The following DLG2 variants were observed in gnomAD, a reference collection of about 807,000 sequenced individuals.
The protein encoded by DLG2 is discs large MAGUK scaffold protein 2.
DLG2 carries 45 observed loss-of-function variants against 132.5 expected under a neutral mutation model. The ratio of observed to expected loss-of-function variants is 0.34; its 90% CI spans 0.27 to 0.44. DLG2 has a LOEUF of 0.44. DLG2 is among the 20% of genes least tolerant of loss of function. DLG2 has a pLI of 1.00. For synonymous variants in DLG2, 424 were observed against 419.6 expected (o/e 1.01, Z -0.13); for missense variants, 1,045 against 1,196.9 (o/e 0.87, Z 1.87).
At chr11:85,465,383 C>T (rs978991614) in intron 3 of DLG2, among the ~76,000 whole-genome samples, 7 of 151,686 alleles carry the variant, frequency 4.6e-5, no homozygotes, top group African/African-American at 1.7e-4. Flanking sequence ...TATACATGTG[C>T]CATGCTGGTG....
intron 7 of DLG2, among the ~76,000 whole-genome samples, chr11:84,361,056 C>T (rs1036222855): frequency 4.0e-5 from 6 of 151,774 alleles, no homozygotes; most frequent in East Asian, 3.9e-4. Flanking sequence ...GAAATAGTGA[C>T]GGAAACTGTT....
At chr11:83,818,110 G>A (rs959621992) in intron 17 of DLG2, among the ~76,000 whole-genome samples, 2 of 152,116 alleles carry the variant, frequency 1.3e-5, no homozygotes, top group African/African-American at 4.8e-5. Flanking sequence ...TGTTCAGGTT[G>A]TCCTGAGTAA....
At chr11:85,086,333 A>C (rs1418954628) in intron 6 of DLG2, among the ~76,000 whole-genome samples, 1 of 152,178 alleles carries the variant, frequency 6.6e-6, no homozygotes, top group African/African-American at 2.4e-5. Flanking sequence ...CTCATCAAAT[A>C]AACTCTTCTG....
intron 6 of DLG2, among the ~76,000 whole-genome samples, chr11:84,801,820 T>C (rs960961539): frequency 6.6e-6 from 1 of 152,178 alleles, no homozygotes; most frequent in African/African-American, 2.4e-5. Flanking sequence ...AAAACAAAAC[T>C]ACTACATTGA....
chr11:84,692,638 G>C (rs1258479749), intron 6 of DLG2, among the ~76,000 whole-genome samples: 1 of 151,542 alleles, frequency 6.6e-6, no homozygotes, highest in Non-Finnish European at 1.5e-5. Context: ...CATTTATTAT[G>C]GGTAATTTAA....
intron 18 of DLG2, among the ~76,000 whole-genome samples, chr11:83,695,003 T>C (rs1221421261): frequency 1.3e-5 from 2 of 152,254 alleles, no homozygotes; most frequent in Non-Finnish European, 2.9e-5. Flanking sequence ...CATTATCCCA[T>C]GGTTGCTACG....
intron 6 of DLG2, among the ~76,000 whole-genome samples, chr11:84,883,952 A>G (rs373063612): frequency 6.6e-6 from 1 of 152,076 alleles, no homozygotes; most frequent in Non-Finnish European, 1.5e-5. Flanking sequence ...GGGTCCCATG[A>G]GACTTCTTGT....
rs775377459 is a variant in DLG2, at chr11:85,177,290, C to CATAT, written c.187-22640_187-22639insATAT. Among the ~76,000 whole-genome samples the CATAT allele has an allele frequency of 2.0e-3, 288 of 146,810 alleles. 1 individual carries two copies. The highest frequency in any genetic ancestry group is 0.015 in the East Asian group (77 of 5,076). ...ATATATATATATATATACATATACA[C>CATAT]ACACACACACACACACACATACATA... On this transcript the variant is annotated intron_variant, in intron 4 of 27. Transcript: ENST00000376104.
intron 7 of DLG2, among the ~76,000 whole-genome samples, chr11:84,409,467 T>G (rs938659910): frequency 5.9e-5 from 9 of 152,186 alleles, no homozygotes; most frequent in Admixed American, 6.5e-5. Flanking sequence ...GGTAACATGA[T>G]AATAAAAAAG....
intron 5 of DLG2, among the ~76,000 whole-genome samples, chr11:85,149,909 C>A (rs1297533883): frequency 6.6e-6 from 1 of 151,760 alleles, no homozygotes; most frequent in Admixed American, 6.6e-5. Context: ...CTAAGGAGAG[C>A]CACTACTCTA....
intron 6 of DLG2, among the ~76,000 whole-genome samples, chr11:84,789,666 C>A (rs2073497726): frequency 6.6e-6 from 1 of 152,084 alleles, no homozygotes; most frequent in African/African-American, 2.4e-5. Flanking sequence ...TTCTTTCTAA[C>A]TTTTCTATTT....
At chr11:85,456,615 C>A (rs2092431336) in intron 3 of DLG2, among the ~76,000 whole-genome samples, 1 of 152,112 alleles carries the variant, frequency 6.6e-6, no homozygotes, top group South Asian at 2.1e-4. Context: ...GTGCTATAAA[C>A]TTCCCTCTTA....
intron 18 of DLG2, among the ~76,000 whole-genome samples, chr11:83,733,005 G>T (rs1004695584): frequency 4.6e-5 from 7 of 152,088 alleles, no homozygotes; most frequent in African/African-American, 1.7e-4. Flanking sequence ...ACTTTCGGAG[G>T]CTGAGGCAGG....
intron 7 of DLG2, among the ~76,000 whole-genome samples, chr11:84,366,222 A>C (rs532700906): frequency 1.1e-4 from 17 of 152,142 alleles, no homozygotes; most frequent in Admixed American, 1.1e-3. Flanking sequence ...TAAGCTTCAT[A>C]AGTGAAGGAG....
chr11:84,219,012 A>G (rs1289680684), intron 8 of DLG2, among the ~76,000 whole-genome samples: 1 of 152,206 alleles, frequency 6.6e-6, no homozygotes. Context: ...TGTATCTCCT[A>G]GAGTTGATGT....
intron 2 of DLG2, among the ~76,000 whole-genome samples, chr11:85,611,450 GC>G (rs997482348): frequency 2.2e-4 from 33 of 152,320 alleles, no homozygotes; most frequent in Admixed American, 2.0e-3. Flanking sequence ...CAGCATGACT[GC>G]CAAACTTATA....
intron 17 of DLG2, among the ~76,000 whole-genome samples, chr11:83,799,513 T>G (rs2043775378): frequency 6.6e-6 from 1 of 152,094 alleles, no homozygotes; most frequent in African/African-American, 2.4e-5. Context: ...GATTTGAGGG[T>G]GGGAGATGTG....
At chr11:84,156,310 A>G (rs532270668) in intron 9 of DLG2, among the ~76,000 whole-genome samples, 1 of 152,240 alleles carries the variant, frequency 6.6e-6, no homozygotes, top group African/African-American at 2.4e-5. Flanking sequence ...TAATTTATAC[A>G]TTTTCCATGT....
intron 17 of DLG2, among the ~76,000 whole-genome samples, chr11:83,798,006 T>C (rs1028232880): frequency 2.0e-5 from 3 of 152,220 alleles, no homozygotes; most frequent in African/African-American, 2.4e-5. Context: ...GAAGGGAATA[T>C]GCAGGAAGCA....
Sources: allele counts gnomAD v4.1 joint callset (sites outside exome capture counted in the v4.1 genomes callset), GRCh38; gene constraint gnomAD v4.1.1; transcripts MANE v1.5; gene names NCBI Gene and HGNC (gene_info 2026-07-23, HGNC 2026-07-21).